The following UNKL variants were observed in gnomAD, a reference collection of about 807,000 sequenced individuals.
The protein encoded by UNKL is unk like zinc finger, also known as putative E3 ubiquitin-protein ligase UNKL.
Under a neutral mutation model 78.0 loss-of-function variants are expected in UNKL, and 60 were observed. The observed-to-expected ratio is 0.77, with a 90% CI of 0.63 to 0.95. UNKL has a LOEUF of 0.95. Among genes scored for constraint, UNKL ranks in the 40% least tolerant of loss-of-function variants. The pLI, the probability that UNKL is intolerant of heterozygous loss-of-function variation, is 0.00. For synonymous variants in UNKL, 608 were observed against 474.8 expected, an observed-to-expected ratio of 1.28 and a Z score of -3.65; for missense variants, 1,159 against 1,045.7, an observed-to-expected ratio of 1.11 and a Z score of -1.49.
At chr16:1,393,117 G>A in intron 7 of UNKL, 141 bp from the exon 8 acceptor site, 2 of 830,988 alleles carry the variant, frequency 2.4e-6, no homozygotes, top group Non-Finnish European at 3.9e-6. Flanking sequence ...GAGGACGGCT[G>A]GGCAGTGGTG....
At chr16:1,378,976 G>A (rs954883781) in intron 10 of UNKL, 1 of 152,252 alleles carries the variant, frequency 6.6e-6, no homozygotes, top group Non-Finnish European at 1.5e-5. Flanking sequence ...GCTGACCCTT[G>A]TGCAGAGGCA....
At chr16:1,384,602 C>T (rs1375624522) in intron 10 of UNKL, among the ~76,000 whole-genome samples, 1 of 151,538 alleles carries the variant, frequency 6.6e-6, no homozygotes, top group Non-Finnish European at 1.5e-5. Context: ...ACAACCCCTA[C>T]TTTCAATTTT....
At chr16:1,382,720 G>A (rs2036647110) in intron 10 of UNKL, among the ~76,000 whole-genome samples, 1 of 152,320 alleles carries the variant, frequency 6.6e-6, no homozygotes, top group East Asian at 1.9e-4. Flanking sequence ...CACTTTGGGA[G>A]GCCGAGTTGG....
intron 3 of UNKL, among the ~76,000 whole-genome samples, chr16:1,402,941 G>A (rs199577072): frequency 6.7e-6 from 1 of 149,792 alleles, no homozygotes; most frequent in Non-Finnish European, 1.5e-5. Context: ...GCAGTGAGCT[G>A]AGATCGCGCC....
At chr16:1,398,996 T>G in intron 5 of UNKL, 1 of 1,474,172 alleles carries the variant, frequency 6.8e-7, no homozygotes, top group Non-Finnish European at 9.0e-7. Flanking sequence ...CCTGGCAGCT[T>G]GGGTGAGGAG....
rs944739141 is a variant in UNKL at position 1,364,525 on chromosome 16, A to G, written c.*1715T>C. 6.6e-6 allele frequency: 1 copy of G among 152,234 alleles called. No homozygotes were observed. The highest frequency in any genetic ancestry group is 2.4e-5 in the African/African-American group (1 of 41,450). 9.4% of individuals were successfully genotyped at this position (152,234 alleles called of 1,614,324 possible). ...AAACCACAGATGCCTGTTCCTGCTC[A>G]ACTCCTAGGGACAGTCCCAGCCCTG... is the stretch of plus-strand genomic sequence containing the variant. On this transcript the variant is annotated 3_prime_UTR_variant, in exon 15 of 15. Coordinates refer to ENST00000389221, the MANE Select transcript of UNKL (RefSeq NM_001372107.1).
chr16:1,391,579 G>A (rs1351078168), intron 8 of UNKL, among the ~76,000 whole-genome samples: 1 of 152,128 alleles, frequency 6.6e-6, no homozygotes, highest in East Asian at 1.9e-4. Context: ...GTTTACAGGC[G>A]TGAGCCACTG....
chr16:1,365,557 C>T lies in UNKL; in HGVS notation c.*683G>A, dbSNP rs1428339207. The T allele has an allele frequency of 6.6e-6, 1 of 152,596 alleles. No individual in the cohort carries two copies. The highest frequency in any genetic ancestry group is 2.4e-5 in the African/African-American group (1 of 41,444). 9.5% of individuals were successfully genotyped at this position (152,596 alleles called of 1,614,324 possible). A position where few individuals can be genotyped will look rare whatever the true frequency, so the allele number is the denominator to read the frequency against. ...ACACACAGGCTCAGGAAAACTAGCT[C>T]CTTCCATCAAGTTAAAAACATCTCA... On this transcript the variant is annotated 3_prime_UTR_variant, in exon 15 of 15. Coordinates refer to ENST00000389221, the MANE Select transcript of UNKL (RefSeq NM_001372107.1).
At chr16:1,377,937 C>T (rs1237374846) in intron 10 of UNKL, among the ~76,000 whole-genome samples, 1 of 152,178 alleles carries the variant, frequency 6.6e-6, no homozygotes, top group African/African-American at 2.4e-5. Context: ...AACCTTCCTA[C>T]CAAGAAAAGC....
chr16:1,370,402 C>G (rs1235378998), intron 11 of UNKL, 45 bp from the exon 12 acceptor site: 1 of 1,524,728 alleles, frequency 6.6e-7, no homozygotes, highest in Non-Finnish European at 8.7e-7. Flanking sequence ...CGCCAGGCCT[C>G]TGCCCAAACA....
chr16:1,365,110 C>A lies in UNKL; in HGVS notation c.*1130G>T, dbSNP rs1387993979. 1 of 152,406 alleles carries A rather than the reference C, an allele frequency of 6.6e-6. No homozygotes were observed. Among genetic ancestry groups the A allele is most frequent in the Non-Finnish European group, 1.5e-5 (1 of 68,328 alleles). 9.4% of individuals were successfully genotyped at this position (152,406 alleles called of 1,614,324 possible). On this transcript the variant is annotated 3_prime_UTR_variant, in exon 15 of 15. Transcript: ENST00000389221. Reference sequence around the variant, plus strand: ...CCAGGTTCAAGCGATTCTCCTGCCTCAGCCTCCCGAGTAGCTGGGACTACA... The same window carrying A: ...CCAGGTTCAAGCGATTCTCCTGCCTAAGCCTCCCGAGTAGCTGGGACTACA...
intron 11 of UNKL, 149 bp downstream of exon 11, chr16:1,371,370 G>C: frequency 1.4e-6 from 1 of 722,508 alleles, no homozygotes; most frequent in Non-Finnish European, 2.3e-6. Context: ...CAGACACCGG[G>C]TCTTGCCCTG....
At chr16:1,369,947 C>G (rs1369540305) in intron 12 of UNKL, 183 bp downstream of exon 12, 2 of 1,549,310 alleles carry the variant, frequency 1.3e-6, no homozygotes, top group South Asian at 2.4e-5. Context: ...TGCAGTCCAA[C>G]CTGGGCGACA....
At chr16:1,400,296 T>A (rs2037461736) in intron 4 of UNKL, among the ~76,000 whole-genome samples, 1 of 151,708 alleles carries the variant, frequency 6.6e-6, no homozygotes. Context: ...TGCCTGCCTG[T>A]AATCCCAGCT....
intron 10 of UNKL, among the ~76,000 whole-genome samples, chr16:1,377,160 C>T (rs1250341872): frequency 1.3e-5 from 2 of 152,152 alleles, no homozygotes; most frequent in African/African-American, 4.8e-5. Context: ...GCAGCTGGGA[C>T]TACAGGTGCC....
Position 1,385,352 on chromosome 16 carries a change from G to A in UNKL, c.1120C>T (p.Pro374Ser). 1 of 1,417,460 alleles carries A rather than the reference G, an allele frequency of 7.1e-7. No individual in the cohort carries two copies. The highest frequency in any genetic ancestry group is 9.2e-7 in the Non-Finnish European group (1 of 1,089,416). 87.8% of individuals were successfully genotyped at this position (1,417,460 alleles called of 1,614,324 possible). Residue 374 changes from proline (P) to serine (S), a missense_variant, in exon 10 of 15, where the codon CCG becomes TCG. Physicochemically the swap from Pro to Ser is moderately conservative, Grantham distance 74. Transcript: ENST00000389221. ...HLAVFAAVHP[P>S]APSVSSSVAS... Reference sequence around the variant, plus strand: ...ACGCTGGAGCTCACGCTGGGGGCCGGCGGGTGGACCGCTGCAAACACGGCC... The same window carrying A: ...ACGCTGGAGCTCACGCTGGGGGCCGACGGGTGGACCGCTGCAAACACGGCC...
intron 10 of UNKL, 145 bp downstream of exon 10, chr16:1,385,063 G>C: frequency 1.5e-6 from 1 of 654,360 alleles, no homozygotes; most frequent in Non-Finnish European, 2.2e-6. Context: ...CAACCAAAGT[G>C]ACAGATGACT....
At chr16:1,367,939 C>G (rs887757266) in intron 12 of UNKL, 81 bp from the exon 13 acceptor site, 41 of 1,316,388 alleles carry the variant, frequency 3.1e-5, no homozygotes, top group Non-Finnish European at 3.9e-5. Flanking sequence ...TGCCCCAGGC[C>G]CCACCGCTAC....
intron 10 of UNKL, among the ~76,000 whole-genome samples, chr16:1,376,845 G>C (rs117986265): frequency 1.3e-5 from 2 of 152,070 alleles, no homozygotes; most frequent in Non-Finnish European, 2.9e-5. Flanking sequence ...TTTCAGCACC[G>C]CACAGTAATA....
Sources: allele counts gnomAD v4.1 joint callset (sites outside exome capture counted in the v4.1 genomes callset), GRCh38; gene constraint gnomAD v4.1.1; transcripts MANE v1.5; gene names NCBI Gene and HGNC (gene_info 2026-07-23, HGNC 2026-07-21).